EPB41L4A: variants seen among roughly 807,000 people sequenced by gnomAD.
The protein encoded by EPB41L4A is erythrocyte membrane protein band 4.1 like 4A, also known as band 4.1-like protein 4A.
Under a neutral mutation model 108.6 loss-of-function variants are expected in EPB41L4A, and 100 were observed. The ratio of observed to expected loss-of-function variants is 0.92; its 90% CI spans 0.78 to 1.09. The LOEUF (loss-of-function observed/expected upper bound fraction) is 1.09. EPB41L4A is among the 50% of genes least tolerant of loss of function. The probability of loss-of-function intolerance (pLI) is 0.00; values close to 1 mark genes in which losing one functional copy is unlikely to be tolerated. For missense variants in EPB41L4A, 1,030 were observed against 842.7 expected (o/e 1.22, Z -2.75); for synonymous variants, 319 against 289.0 (o/e 1.10, Z -1.05).
chr5:112,161,788 G>A (rs937867031), downstream of EPB41L4A: 1 of 338,864 alleles, frequency 3.0e-6, no homozygotes, highest in Non-Finnish European at 5.9e-6. Flanking sequence ...AGGGTGATAT[G>A]TCTTAAAGCA....
chr5:112,249,418 A>C (rs1472503417), intron 9 of EPB41L4A, among the ~76,000 whole-genome samples: 1 of 152,166 alleles, frequency 6.6e-6, no homozygotes, highest in Non-Finnish European at 1.5e-5. Flanking sequence ...TTATTCTCCA[A>C]CTGGAAATAG....
At chr5:112,161,278 T>TGATC (rs773810151), downstream of EPB41L4A, 2 of 330,454 alleles carry the variant, frequency 6.1e-6, no homozygotes, top group East Asian at 8.4e-5. Flanking sequence ...TCGTCGGGAG[T>TGATC]GATCACCTAC....
intron 9 of EPB41L4A, among the ~76,000 whole-genome samples, chr5:112,243,562 C>A (rs1016487692): frequency 1.3e-5 from 2 of 152,210 alleles, no homozygotes; most frequent in African/African-American, 4.8e-5. Context: ...CTTCTTCCAA[C>A]AGAAGAAGGT....
At chr5:112,309,492 G>A (rs1754910331) in intron 1 of EPB41L4A, among the ~76,000 whole-genome samples, 2 of 152,058 alleles carry the variant, frequency 1.3e-5, no homozygotes. Flanking sequence ...TATTTACAAA[G>A]TGAAACCTCT....
At chr5:112,257,318 G>A (rs908590350) in intron 9 of EPB41L4A, 4 of 152,026 alleles carry the variant, frequency 2.6e-5, no homozygotes, top group African/African-American at 9.7e-5. Context: ...AAGCCTCTGA[G>A]TTATATGACC....
At chr5:112,256,576 T>C (rs1005163393) in intron 9 of EPB41L4A, among the ~76,000 whole-genome samples, 2 of 151,922 alleles carry the variant, frequency 1.3e-5, no homozygotes, top group East Asian at 3.9e-4. Context: ...AAAGAAAAGA[T>C]TGCATCCACA....
intron 2 of EPB41L4A, among the ~76,000 whole-genome samples, chr5:112,286,083 A>G (rs970270721): frequency 2.0e-5 from 3 of 151,764 alleles, no homozygotes; most frequent in Non-Finnish European, 4.4e-5. Flanking sequence ...TCTTCTCCCA[A>G]CTCACTTTAA....
At chr5:112,245,646 A>G (rs913087095) in intron 9 of EPB41L4A, among the ~76,000 whole-genome samples, 5 of 152,206 alleles carry the variant, frequency 3.3e-5, no homozygotes, top group South Asian at 2.1e-4. Context: ...GGAATAGACA[A>G]TAAGTTCAGG....
rs771329009 is a variant in EPB41L4A, at chr5:112,275,387, A to G, written c.274T>C (p.Leu92=). The part of the protein sequence containing the change: ...ELINTGPPYT[L]YFGIKFYAED... ...GCATAGAATTTAATACCAAAATACA[A>G]AGTATATGGAGGTCCAGCTAAAATA... Residue 92 remains leucine, a synonymous_variant, in exon 4 of 23, where the codon TTG becomes CTG. Transcript: ENST00000261486. 1.9e-6 allele frequency: 3 copies of G among 1,543,514 alleles called. No individual in the cohort carries two copies. Among genetic ancestry groups the G allele is most frequent in the Admixed American group, 1.9e-5 (1 of 51,338 alleles).
intron 22 of EPB41L4A, among the ~76,000 whole-genome samples, chr5:112,165,777 C>T (rs1445060684): frequency 6.6e-6 from 1 of 152,132 alleles, no homozygotes; most frequent in African/African-American, 2.4e-5. Context: ...TGTATATTCC[C>T]ATAAATAATG....
intron 18 of EPB41L4A, among the ~76,000 whole-genome samples, chr5:112,176,109 G>C (rs1261919864): frequency 1.3e-5 from 2 of 152,046 alleles, no homozygotes. Context: ...TAAGACCTGG[G>C]GGAACTTACT....
chr5:112,259,831 C>T (rs1751368702), intron 8 of EPB41L4A, 60 bp downstream of exon 8: 2 of 1,200,314 alleles, frequency 1.7e-6, no homozygotes, highest in African/African-American at 1.5e-5. Flanking sequence ...CTTTCACTGA[C>T]ACAGGAGTCC....
intron 1 of EPB41L4A, among the ~76,000 whole-genome samples, chr5:112,307,844 A>C (rs1754795911): frequency 6.6e-6 from 1 of 152,188 alleles, no homozygotes; most frequent in Non-Finnish European, 1.5e-5. Flanking sequence ...CACTTTGTTT[A>C]AAAATCCCAC....
At chr5:112,327,033 C>T (rs546204596) in intron 1 of EPB41L4A, among the ~76,000 whole-genome samples, 1 of 152,134 alleles carries the variant, frequency 6.6e-6, no homozygotes, top group Non-Finnish European at 1.5e-5. Flanking sequence ...ACAAACCTTA[C>T]AATTGTGTCC....
At chr5:112,202,304 G>A (rs1329428439) in intron 15 of EPB41L4A, among the ~76,000 whole-genome samples, 3 of 152,022 alleles carry the variant, frequency 2.0e-5, no homozygotes, top group African/African-American at 4.8e-5. Context: ...AGGTGGAAGC[G>A]GCTTCTGGTC....
At chr5:112,248,864 T>C (rs1277082169) in intron 9 of EPB41L4A, among the ~76,000 whole-genome samples, 1 of 152,174 alleles carries the variant, frequency 6.6e-6, no homozygotes, top group Non-Finnish European at 1.5e-5. Flanking sequence ...CAAGCCTGTA[T>C]TCTTGACACA....
chr5:112,192,735 T>C (rs1262637057), intron 17 of EPB41L4A, among the ~76,000 whole-genome samples: 1 of 152,230 alleles, frequency 6.6e-6, no homozygotes, highest in Non-Finnish European at 1.5e-5. Context: ...GTGTTTCATT[T>C]TCAGTAGCGA....
intron 15 of EPB41L4A, among the ~76,000 whole-genome samples, chr5:112,200,931 G>C (rs1022896847): frequency 6.6e-6 from 1 of 152,154 alleles, no homozygotes; most frequent in African/African-American, 2.4e-5. Flanking sequence ...CTATTGCAAA[G>C]TGTATTATCC....
intron 12 of EPB41L4A, among the ~76,000 whole-genome samples, chr5:112,215,476 A>G (rs746495906): frequency 5.8e-4 from 88 of 152,162 alleles, no homozygotes; most frequent in Admixed American, 1.2e-3. Context: ...AAAAAGACAA[A>G]GCTTGCTCGG....
Sources: gnomAD v4.1 joint callset for allele counts (sites outside exome capture counted in the v4.1 genomes callset) on GRCh38, gnomAD v4.1.1 for gene constraint, MANE v1.5 for transcripts, NCBI Gene and HGNC (gene_info 2026-07-23, HGNC 2026-07-21) for gene names.